Variants in GRIN2A observed in about 807,000 individuals in gnomAD.
GRIN2A encodes glutamate ionotropic receptor NMDA type subunit 2A, also known as glutamate receptor ionotropic, NMDA 2A.
A neutral mutation model predicts 113.4 loss-of-function variants in GRIN2A; 22 were observed. The observed-to-expected ratio is 0.19, with a 90% CI of 0.14 to 0.28. GRIN2A has a LOEUF of 0.28. GRIN2A is among the 10% of genes least tolerant of loss of function. The pLI is 1.00. For missense variants in GRIN2A, 1,502 were observed against 1,887.0 expected (o/e 0.80, Z 3.78); for synonymous variants, 827 against 738.4 (o/e 1.12, Z -1.94).
intron 9 of GRIN2A, among the ~76,000 whole-genome samples, chr16:9,825,598 A>G (rs1381327855): frequency 1.3e-5 from 2 of 152,210 alleles, no homozygotes; most frequent in African/African-American, 2.4e-5. Flanking sequence ...TTTATTAAAA[A>G]TATCTATCTG....
chr16:9,928,783 G>A (rs373110087), intron 3 of GRIN2A, among the ~76,000 whole-genome samples: 112 of 152,214 alleles, frequency 7.4e-4, no homozygotes, highest in African/African-American at 2.5e-3. Flanking sequence ...GAGACCCAAA[G>A]CTTCATCACT....
chr16:9,765,990 C>A lies in GRIN2A; in HGVS notation c.2596-1042G>T, dbSNP rs1394051882. 5.3e-5 allele frequency among the ~76,000 whole-genome samples: 8 copies of A among 152,304 alleles called. No individual in the cohort carries two copies. In the South Asian group the frequency reaches 1.5e-3, roughly 28 times the overall value. ...TTAAAAGTAGCTGTTCAACTGTTAT[C>A]AAGGGAAGAGCCCTTGATTCCTACC... On this transcript the variant is annotated intron_variant, in intron 12 of 12. Transcript: ENST00000330684.
intron 3 of GRIN2A, among the ~76,000 whole-genome samples, chr16:9,905,181 G>A (rs566252158): frequency 6.6e-6 from 1 of 152,282 alleles, no homozygotes; most frequent in South Asian, 2.1e-4. Flanking sequence ...TCCTTTCTCT[G>A]CAATCATTTA....
At chr16:10,069,056 G>A (rs75793106) in intron 2 of GRIN2A, among the ~76,000 whole-genome samples, 15,545 of 152,098 alleles carry the variant, frequency 0.1, 1,095 homozygotes, top group Admixed American at 0.16. Flanking sequence ...AAGGCACCTA[G>A]GTTCTAGCCA....
chr16:10,132,607 G>A (rs904516915), intron 2 of GRIN2A, among the ~76,000 whole-genome samples: 2 of 152,184 alleles, frequency 1.3e-5, no homozygotes, highest in Non-Finnish European at 2.9e-5. Context: ...CGGGCATGGG[G>A]TTAAATCCCA....
intron 2 of GRIN2A, among the ~76,000 whole-genome samples, chr16:9,989,641 C>A (rs1386510137): frequency 1.3e-5 from 2 of 151,870 alleles, no homozygotes; most frequent in Non-Finnish European, 2.9e-5. Flanking sequence ...AACTAGGTAT[C>A]CAACAAAGGG....
chr16:10,070,132 G>C (rs911267138), intron 2 of GRIN2A, among the ~76,000 whole-genome samples: 7 of 152,198 alleles, frequency 4.6e-5, no homozygotes, highest in Non-Finnish European at 7.3e-5. Flanking sequence ...GGAAGTCTGA[G>C]TCTTCATCCT....
chr16:9,802,888 C>G (rs1903451459), intron 10 of GRIN2A, among the ~76,000 whole-genome samples: 1 of 152,158 alleles, frequency 6.6e-6, no homozygotes, highest in Non-Finnish European at 1.5e-5. Context: ...CGGCACAGCC[C>G]TAGCTGTTCT....
chr16:9,828,528 G>T (rs1305019583), intron 9 of GRIN2A, among the ~76,000 whole-genome samples: 3 of 152,168 alleles, frequency 2.0e-5, no homozygotes, highest in South Asian at 2.1e-4. Flanking sequence ...TATAACGAGA[G>T]ACAAATTATC....
chr16:10,175,068 A>G (rs536551885), intron 2 of GRIN2A, among the ~76,000 whole-genome samples: 3 of 152,350 alleles, frequency 2.0e-5, no homozygotes, highest in South Asian at 4.1e-4. Context: ...AATATTTAGT[A>G]TAGCATTCAT....
rs1281238116 is a variant in GRIN2A at position 9,763,001 on chromosome 16, G to A, written c.*148C>T. On this transcript the variant is annotated 3_prime_UTR_variant, in exon 13 of 13. Coordinates refer to ENST00000330684, the MANE Select transcript of GRIN2A (RefSeq NM_001134407.3). Reference sequence around the variant, plus strand: ...GTGGAAGATTATGGCATGAAGCCGTGTGCAAAAGAGCCAACAACAACAACA... The same window carrying A: ...GTGGAAGATTATGGCATGAAGCCGTATGCAAAAGAGCCAACAACAACAACA... 1.5e-5 allele frequency: 11 copies of A among 757,570 alleles called. No individual in the cohort carries two copies. The African/African-American group carries it at 1.6e-4, about 11-fold the overall frequency. The allele number at this position is 757,570 out of a possible 1,614,324, so 46.9% of individuals were successfully genotyped here.
At chr16:10,053,103 T>C (rs2047387134) in intron 2 of GRIN2A, among the ~76,000 whole-genome samples, 1 of 151,620 alleles carries the variant, frequency 6.6e-6, no homozygotes, top group African/African-American at 2.4e-5. Context: ...GAATCTGAAC[T>C]TTGAACAAGC....
At chr16:10,030,227 C>T (rs1332247508) in intron 2 of GRIN2A, among the ~76,000 whole-genome samples, 1 of 151,994 alleles carries the variant, frequency 6.6e-6, no homozygotes, top group African/African-American at 2.4e-5. Context: ...TCTCATTTCT[C>T]TCGTCCTTCA....
Position 9,893,459 on chromosome 16 carries a change from T to C in GRIN2A, c.1008-2359A>G, listed in dbSNP as rs560151651. 2.6e-5 allele frequency among the ~76,000 whole-genome samples: 4 copies of C among 152,266 alleles called. No homozygotes were observed. In the East Asian group the frequency reaches 5.8e-4, roughly 22 times the overall value. On this transcript the variant is annotated intron_variant, in intron 3 of 12. Coordinates refer to ENST00000330684, the MANE Select transcript of GRIN2A (RefSeq NM_001134407.3). ...ACTTCCTAGAAAGGTTTTTTGTTTT[T>C]TGTTTTTATTTTTGTTATTTTTTTT...
chr16:9,970,297 T>C (rs1315140138), intron 2 of GRIN2A, among the ~76,000 whole-genome samples: 1 of 152,216 alleles, frequency 6.6e-6, no homozygotes, highest in Admixed American at 6.5e-5. Flanking sequence ...GTACAATCCT[T>C]TTCTTAGCCC....
chr16:10,044,007 G>GTATATATA (rs368522556), intron 2 of GRIN2A, among the ~76,000 whole-genome samples: 5,203 of 115,486 alleles, frequency 0.045, 144 homozygotes, highest in Middle Eastern at 0.087. Flanking sequence ...GTGTGTGTGT[G>GTATATATA]TATATATATA....
chr16:9,956,763 T>C (rs2045320967), intron 2 of GRIN2A, among the ~76,000 whole-genome samples: 1 of 152,136 alleles, frequency 6.6e-6, no homozygotes, highest in Non-Finnish European at 1.5e-5. Context: ...CAGAACAATT[T>C]AGATGGTTGA....
At chr16:9,812,377 G>C (rs148966238) in intron 10 of GRIN2A, among the ~76,000 whole-genome samples, 1 of 152,172 alleles carries the variant, frequency 6.6e-6, no homozygotes, top group Non-Finnish European at 1.5e-5. Context: ...GGTAACTCAC[G>C]CCTGTAATCC....
chr16:10,047,198 C>A (rs1221707341), intron 2 of GRIN2A, among the ~76,000 whole-genome samples: 1 of 152,218 alleles, frequency 6.6e-6, no homozygotes, highest in African/African-American at 2.4e-5. Flanking sequence ...TAATTTATAT[C>A]CTTCTATAAA....
Sources: allele counts gnomAD v4.1 joint callset (sites outside exome capture counted in the v4.1 genomes callset), GRCh38; gene constraint gnomAD v4.1.1; transcripts MANE v1.5; gene names NCBI Gene and HGNC (gene_info 2026-07-23, HGNC 2026-07-21).